Variants in HIVEP2 observed in about 807,000 individuals in gnomAD.
HIVEP2 encodes transcription factor HIVEP2.
Under a neutral mutation model 180.7 loss-of-function variants are expected in HIVEP2, and 14 were observed. The observed-to-expected ratio is 0.08, with a 90% CI of 0.05 to 0.12. HIVEP2 has a LOEUF of 0.12. HIVEP2 is among the 10% of genes least tolerant of loss of function. The pLI, the probability that HIVEP2 is intolerant of heterozygous loss-of-function variation, is 1.00. For synonymous variants in HIVEP2, 1,184 were observed against 1,136.4 expected (o/e 1.04, Z -0.84); for missense variants, 2,579 against 3,008.5 (o/e 0.86, Z 3.34).
intron 1 of HIVEP2, among the ~76,000 whole-genome samples, chr6:142,842,016 A>C (rs1775378911): frequency 6.6e-6 from 1 of 152,210 alleles, no homozygotes; most frequent in Admixed American, 6.5e-5. Flanking sequence ...TCCTTGACCA[A>C]AATGAAATTA....
chr6:142,764,216 TAA>T (rs1007182274), intron 7 of HIVEP2, among the ~76,000 whole-genome samples: 1 of 151,898 alleles, frequency 6.6e-6, no homozygotes, highest in Non-Finnish European at 1.5e-5. Context: ...AAACAGATTT[TAA>T]AAAAAAATTT....
chr6:142,791,637 A>G (rs1776140263), intron 2 of HIVEP2, among the ~76,000 whole-genome samples: 1 of 152,232 alleles, frequency 6.6e-6, no homozygotes, highest in Non-Finnish European at 1.5e-5. Context: ...CAAAGCTCAT[A>G]TATACTAATG....
chr6:142,818,789 GAAAA>G (rs755903707), intron 2 of HIVEP2, among the ~76,000 whole-genome samples: 331 of 122,346 alleles, frequency 2.7e-3, no homozygotes, highest in Middle Eastern at 0.012. Context: ...AAGAAAGAAA[GAAAA>G]AGAAAAGAAA....
chr6:142,861,068 G>A (rs1235905253), intron 1 of HIVEP2, among the ~76,000 whole-genome samples: 1 of 152,158 alleles, frequency 6.6e-6, no homozygotes, highest in Non-Finnish European at 1.5e-5. Context: ...GCATACATCA[G>A]ATAGCAGAAA....
At chr6:142,936,480 G>A (rs781478742) in intron 1 of HIVEP2, among the ~76,000 whole-genome samples, 1 of 151,754 alleles carries the variant, frequency 6.6e-6, no homozygotes, top group Non-Finnish European at 1.5e-5. Context: ...GTGAGCCACC[G>A]CCCGACCACC....
At position 142,772,279 on chromosome 6, in the gene HIVEP2, G is replaced by C; in HGVS notation, c.2460C>G (p.Ala820=). 6.2e-7 allele frequency: 1 copy of C among 1,614,178 alleles called. No individual in the cohort carries two copies. The highest frequency in any genetic ancestry group is 8.5e-7 in the Non-Finnish European group (1 of 1,180,036). ...RPNSFERSES[A]ELVACTQDKA... is the part of the protein sequence containing the mutation. ...TATCCTGTGTGCAAGCCACAAGTTC[G>C]GCTGACTCAGACCTTTCAAATGAAT... The change falls in exon 5 of 10, where the codon GCC becomes GCG. Residue 820 remains alanine (A), a synonymous_variant. Transcript: ENST00000367603. This position sits in a 1 kb window ranked among gnomAD's most constrained non-coding sequence, Gnocchi z 4.9.
chr6:142,847,689 G>A (rs1159302521), intron 1 of HIVEP2, among the ~76,000 whole-genome samples: 2 of 152,184 alleles, frequency 1.3e-5, no homozygotes, highest in Non-Finnish European at 2.9e-5. Context: ...AGCTATTTCT[G>A]TAATAATTCC....
chr6:142,916,814 C>T (rs532957703), intron 1 of HIVEP2, among the ~76,000 whole-genome samples: 1 of 152,200 alleles, frequency 6.6e-6, no homozygotes, highest in Non-Finnish European at 1.5e-5. Context: ...CAGCATCCAG[C>T]ACCTAACAGC....
At position 142,751,505 on chromosome 6, in the gene HIVEP2, A is replaced by T. The variant is rs1204346464; in HGVS notation, c.*1602T>A. The T allele has an allele frequency of 1.3e-5, 2 of 152,688 alleles. No homozygotes were observed. Among genetic ancestry groups the T allele is most frequent in the Non-Finnish European group, 2.9e-5 (2 of 68,034 alleles). 9.5% of individuals were successfully genotyped at this position (152,688 alleles called of 1,614,324 possible). A position where few individuals can be genotyped will look rare whatever the true frequency, so the allele number is the denominator to read the frequency against. On this transcript the variant is annotated 3_prime_UTR_variant, in exon 10 of 10. Transcript: ENST00000367603. ...TGTATATTTATTTCTCTTTTTAAAG[A>T]ACACTCCTTAATGTAATTCAATATA...
chr6:142,780,001 G>A (rs1357059902), intron 3 of HIVEP2, among the ~76,000 whole-genome samples: 1 of 152,040 alleles, frequency 6.6e-6, no homozygotes, highest in Non-Finnish European at 1.5e-5. Flanking sequence ...GGAGAAGGAG[G>A]ATAATCAGAA....
chr6:142,927,015 C>T (rs1165310864), intron 1 of HIVEP2, among the ~76,000 whole-genome samples: 1 of 151,174 alleles, frequency 6.6e-6, no homozygotes, highest in African/African-American at 2.4e-5. Flanking sequence ...GGCGGCGCGG[C>T]GGCGCGGGGC....
At chr6:142,824,984 T>G (rs188780794) in intron 2 of HIVEP2, among the ~76,000 whole-genome samples, 58 of 152,330 alleles carry the variant, frequency 3.8e-4, no homozygotes, top group Non-Finnish European at 6.5e-4. Context: ...TGAAGGAAGA[T>G]TCAGAAAGTG....
At chr6:142,807,333 T>C (rs902251309) in intron 2 of HIVEP2, among the ~76,000 whole-genome samples, 3 of 152,084 alleles carry the variant, frequency 2.0e-5, no homozygotes, top group African/African-American at 7.2e-5. Flanking sequence ...CCATAGTGAA[T>C]TTGCATTGAC....
intron 1 of HIVEP2, among the ~76,000 whole-genome samples, chr6:142,861,892 C>T (rs1775986551): frequency 6.6e-6 from 1 of 152,130 alleles, no homozygotes; most frequent in South Asian, 2.1e-4. Flanking sequence ...GGCCCACCTG[C>T]AAGAACAGAT....
intron 1 of HIVEP2, among the ~76,000 whole-genome samples, chr6:142,904,744 T>G (rs1777221121): frequency 6.6e-6 from 1 of 152,216 alleles, no homozygotes; most frequent in Non-Finnish European, 1.5e-5. Context: ...TTTTAAAGCA[T>G]AACACCATAA....
At chr6:142,900,374 C>A (rs946030154) in intron 1 of HIVEP2, among the ~76,000 whole-genome samples, 1 of 152,166 alleles carries the variant, frequency 6.6e-6, no homozygotes, top group Non-Finnish European at 1.5e-5. Flanking sequence ...GGAATACCCA[C>A]TTCACCAATC....
chr6:142,860,956 A>C (rs1775963447), intron 1 of HIVEP2, among the ~76,000 whole-genome samples: 1 of 152,234 alleles, frequency 6.6e-6, no homozygotes, highest in Non-Finnish European at 1.5e-5. Context: ...TTAATGTTGG[A>C]AAAACTAAAA....
chr6:142,941,256 T>TTATC (rs1003393002), intron 1 of HIVEP2, among the ~76,000 whole-genome samples: 3 of 152,282 alleles, frequency 2.0e-5, no homozygotes, highest in Admixed American at 6.5e-5. Flanking sequence ...GAAACCTGTG[T>TTATC]TATCCTCTTT....
At chr6:142,869,970 T>C (rs1159347291) in intron 1 of HIVEP2, among the ~76,000 whole-genome samples, 1 of 152,024 alleles carries the variant, frequency 6.6e-6, no homozygotes, top group Admixed American at 6.6e-5. Flanking sequence ...TGATCCAAAG[T>C]GGCCCTTCAC....
Sources: allele counts gnomAD v4.1 joint callset (sites outside exome capture counted in the v4.1 genomes callset), GRCh38; gene constraint gnomAD v4.1.1; non-coding constraint Gnocchi (gnomAD v3.1); transcripts MANE v1.5; gene names NCBI Gene and HGNC (gene_info 2026-07-23, HGNC 2026-07-21).